The following CSMD2 variants were observed in gnomAD, a reference collection of about 807,000 sequenced individuals.
CSMD2 encodes CUB and Sushi multiple domains 2.
In CSMD2, 130 loss-of-function variants were observed where a neutral mutation model predicts 398.5. The observed-to-expected ratio is 0.33, with a 90% CI of 0.28 to 0.38. The LOEUF (loss-of-function observed/expected upper bound fraction) is 0.38. Among genes scored for constraint, CSMD2 ranks in the 10% least tolerant of loss-of-function variants. The pLI is 1.00. For missense variants in CSMD2, 3,829 were observed against 4,764.9 expected (o/e 0.80, Z 5.78); for synonymous variants, 1,828 against 1,908.5 (o/e 0.96, Z 1.10).
Position 34,080,984 on chromosome 1 carries a change from G to A in CSMD2, c.404+7993C>T, listed in dbSNP as rs1359745612. ...AAAGAAAGAAAGAAAGAAATGCACA[G>A]GAGCAGATGTGAGAAAGGGATGTGA... On this transcript the variant is annotated intron_variant, in intron 2 of 70. Transcript: ENST00000373381. Among the ~76,000 whole-genome samples the A allele has an allele frequency of 2.6e-5, 3 of 116,092 alleles. No individual in the cohort carries two copies. The South Asian group carries it at 8.3e-4, about 32-fold the overall frequency. 76.2% of individuals were successfully genotyped at this position (116,092 alleles called of 152,430 possible).
chr1:33,892,723 G>C (rs1006556860), intron 5 of CSMD2, among the ~76,000 whole-genome samples: 3 of 152,206 alleles, frequency 2.0e-5, no homozygotes, highest in Admixed American at 1.3e-4. Flanking sequence ...CTCATTGGTT[G>C]ATGGGCACTT....
intron 32 of CSMD2, among the ~76,000 whole-genome samples, chr1:33,629,022 A>G (rs1642303438): frequency 6.6e-6 from 1 of 151,886 alleles, no homozygotes; most frequent in Admixed American, 6.6e-5. Context: ...AAGCATTCTC[A>G]TATATGCATG....
chr1:34,153,041 G>A (rs1373721141), intron 1 of CSMD2, among the ~76,000 whole-genome samples: 1 of 152,088 alleles, frequency 6.6e-6, no homozygotes, highest in Non-Finnish European at 1.5e-5. Context: ...TTTGGAGACA[G>A]ACTCTCGCTC....
In CSMD2 at chr1:33,601,145, C is replaced by T. The variant is rs1043824296; in HGVS notation, c.6711-135G>A. On this transcript the variant is annotated intron_variant, in intron 43 of 70. Coordinates refer to ENST00000373381, the MANE Select transcript of CSMD2 (RefSeq NM_001281956.2). ...TTTTTGTACCAACACTTCCCCACACCATGCCCTAAATACCTCTCCCAACCG... is the reference window on the plus strand; with the variant it reads ...TTTTTGTACCAACACTTCCCCACACTATGCCCTAAATACCTCTCCCAACCG... 7 of 1,167,944 alleles carry T rather than the reference C, an allele frequency of 6.0e-6. No homozygotes were observed. The African/African-American group carries it at 9.2e-5, about 15-fold the overall frequency. 72.3% of individuals were successfully genotyped at this position (1,167,944 alleles called of 1,614,324 possible). A position where few individuals can be genotyped will look rare whatever the true frequency, so the allele number is the denominator to read the frequency against.
intron 1 of CSMD2, among the ~76,000 whole-genome samples, chr1:34,131,347 AG>A (rs60950697): frequency 1.3e-4 from 19 of 151,728 alleles, no homozygotes; most frequent in South Asian, 8.3e-4. Context: ...GGTGCAGGAG[AG>A]GGGGGGGTCT....
At chr1:33,699,223 T>C (rs1645525831) in intron 23 of CSMD2, among the ~76,000 whole-genome samples, 2 of 152,258 alleles carry the variant, frequency 1.3e-5, no homozygotes, top group Non-Finnish European at 2.9e-5. Context: ...CCCCGTAGCA[T>C]TTTTGCTAGC....
rs147550966 is a variant in CSMD2, at chr1:33,980,899, G to A, written c.518-44945C>T. On this transcript the variant is annotated intron_variant, in intron 3 of 70. Coordinates refer to ENST00000373381, the MANE Select transcript of CSMD2 (RefSeq NM_001281956.2). The stretch of plus-strand genomic sequence containing the variant: ...ATGGGGTGGGGAACTTCCAGAAGGA[G>A]GGCCTGGCATGTGCAAAGGTCAGGT... Among the ~76,000 whole-genome samples, 906 of 152,340 alleles carry A rather than the reference G, an allele frequency of 5.9e-3. 3 individuals are homozygous for A. The highest frequency in any genetic ancestry group is 7.6e-3 in the Admixed American group (117 of 15,304).
At chr1:33,844,437 G>C (rs1335891521) in intron 6 of CSMD2, among the ~76,000 whole-genome samples, 1 of 152,206 alleles carries the variant, frequency 6.6e-6, no homozygotes, top group African/African-American at 2.4e-5. Context: ...AGCTCACAAT[G>C]TCAATAGCGC....
At chr1:34,057,734 C>T (rs9425897) in intron 2 of CSMD2, among the ~76,000 whole-genome samples, 71,916 of 152,074 alleles carry the variant, frequency 0.47, 18,245 homozygotes, top group African/African-American at 0.64. Flanking sequence ...CCAGCTCTGC[C>T]CACCCAGACT....
At chr1:33,895,818 C>A (rs1642351126) in intron 5 of CSMD2, among the ~76,000 whole-genome samples, 1 of 152,130 alleles carries the variant, frequency 6.6e-6, no homozygotes, top group Admixed American at 6.5e-5. Flanking sequence ...AACTTTGCAG[C>A]CAGGTCTTTC....
At chr1:33,777,210 C>T (rs1400674826) in intron 12 of CSMD2, among the ~76,000 whole-genome samples, 3 of 152,094 alleles carry the variant, frequency 2.0e-5, no homozygotes, top group African/African-American at 4.8e-5. Flanking sequence ...GGTGACTTCA[C>T]GGGAACTCAG....
At position 33,813,284 on chromosome 1, in the gene CSMD2, A is replaced by G. The variant is rs1175400417; in HGVS notation, c.1325-2420T>C. 3 of 152,308 alleles carry G rather than the reference A, an allele frequency of 2.0e-5. No homozygotes were observed. The East Asian group carries it at 5.8e-4, about 29-fold the overall frequency. 9.4% of individuals were successfully genotyped at this position (152,308 alleles called of 1,614,324 possible). ...TTACAGTCTGCAGATAGCATAGAGC[A>G]CCTTAAACTAGGTTCAAAATGAAGC... On this transcript the variant is annotated intron_variant, in intron 9 of 70. Transcript: ENST00000373381.
chr1:33,673,089 G>T (rs1644570809), intron 25 of CSMD2, among the ~76,000 whole-genome samples: 1 of 152,252 alleles, frequency 6.6e-6, no homozygotes, highest in Non-Finnish European at 1.5e-5. Flanking sequence ...CTCCTCACCA[G>T]CAATGGAACA....
chr1:34,085,254 T>G (rs1419212413), intron 2 of CSMD2, among the ~76,000 whole-genome samples: 1 of 152,018 alleles, frequency 6.6e-6, no homozygotes, highest in Non-Finnish European at 1.5e-5. Flanking sequence ...GGGGGAGGGA[T>G]AGCATTGGGA....
At chr1:33,686,008 A>G (rs1254894728) in intron 25 of CSMD2, among the ~76,000 whole-genome samples, 1 of 152,192 alleles carries the variant, frequency 6.6e-6, no homozygotes, top group African/African-American at 2.4e-5. Flanking sequence ...CTGACATTAG[A>G]CGGAACATGT....
At chr1:34,011,559 C>A (rs1647328064) in intron 3 of CSMD2, among the ~76,000 whole-genome samples, 1 of 152,082 alleles carries the variant, frequency 6.6e-6, no homozygotes, top group South Asian at 2.1e-4. Context: ...GAGTGAAAAG[C>A]CTATAAGTGT....
chr1:34,021,089 A>G (rs1648811599), intron 3 of CSMD2, among the ~76,000 whole-genome samples: 1 of 152,202 alleles, frequency 6.6e-6, no homozygotes, highest in Non-Finnish European at 1.5e-5. Context: ...ATTCACATTA[A>G]TGAAGGAAAA....
intron 5 of CSMD2, chr1:33,871,008 C>G (rs568615350): frequency 6.6e-6 from 1 of 152,214 alleles, no homozygotes; most frequent in African/African-American, 2.4e-5. Context: ...TGCCAATAAC[C>G]GTAAGTAAGC....
chr1:34,069,492 A>C (rs1181066703), intron 2 of CSMD2, among the ~76,000 whole-genome samples: 3 of 152,226 alleles, frequency 2.0e-5, no homozygotes, highest in Non-Finnish European at 4.4e-5. Flanking sequence ...CTGATGAGGA[A>C]AAAGCAGTTC....
Sources: gnomAD v4.1 joint callset for allele counts (sites outside exome capture counted in the v4.1 genomes callset) on GRCh38, gnomAD v4.1.1 for gene constraint, MANE v1.5 for transcripts, NCBI Gene and HGNC (gene_info 2026-07-23, HGNC 2026-07-21) for gene names.